Variants in MROH9 observed in about 807,000 individuals in gnomAD.
MROH9 encodes the protein maestro heat like repeat family member 9.
MROH9 carries 92 observed loss-of-function variants against 98.2 expected under a neutral mutation model. The observed-to-expected ratio is 0.94, with a 90% CI of 0.79 to 1.11. MROH9 has a LOEUF of 1.11. Among genes scored for constraint, MROH9 ranks in the 50% most tolerant of loss-of-function variants. The pLI, the probability that MROH9 is intolerant of heterozygous loss-of-function variation, is 0.00. For missense variants in MROH9, 1,057 were observed against 1,014.8 expected (o/e 1.04, Z -0.57); for synonymous variants, 397 against 368.9 (o/e 1.08, Z -0.87).
intron 20 of MROH9, among the ~76,000 whole-genome samples, chr1:171,042,999 C>A (rs1267228760): frequency 6.6e-6 from 1 of 151,986 alleles, no homozygotes; most frequent in Non-Finnish European, 1.5e-5. Flanking sequence ...GAGGTGATTT[C>A]ATTTGTCCAT....
chr1:170,947,395 T>C, intron 2 of MROH9, 132 bp from the exon 3 acceptor site: 1 of 667,476 alleles, frequency 1.5e-6, no homozygotes, highest in Non-Finnish European at 2.7e-6. Flanking sequence ...ATAGTTTTAG[T>C]GTGTGTGTGC....
In MROH9 at chr1:171,064,380, G is replaced by A. The variant is rs1189807250; in HGVS notation, c.*40G>A. The stretch of plus-strand genomic sequence containing the variant: ...GACATTCATCATTCATAAACAATGG[G>A]AAGTCCAACAATGTCTTGGAGCTGA... On this transcript the variant is annotated 3_prime_UTR_variant, in exon 22 of 22. Coordinates refer to ENST00000367759, the MANE Select transcript of MROH9 (RefSeq NM_001163629.2). The A allele has an allele frequency of 6.7e-7, 1 of 1,487,762 alleles. No individual in the cohort carries two copies. Among genetic ancestry groups the A allele is most frequent in the Non-Finnish European group, 8.9e-7 (1 of 1,121,872 alleles). 92.2% of individuals were successfully genotyped at this position (1,487,762 alleles called of 1,614,324 possible).
At position 171,044,972 on chromosome 1, in the gene MROH9, C is replaced by CTTTTTTTTTTTTTTTTTTT. The variant is rs754332732; in HGVS notation, c.2282-17131_2282-17113dup. 2.3e-3 allele frequency among the ~76,000 whole-genome samples: 104 copies of CTTTTTTTTTTTTTTTTTTT among 45,708 alleles called. 36 individuals carry two copies. The highest frequency in any genetic ancestry group is 2.9e-3 in the Non-Finnish European group (64 of 22,270). The allele number at this position is 45,708 out of a possible 152,430, so 30.0% of individuals were successfully genotyped here. A position where few individuals can be genotyped will look rare whatever the true frequency, so the allele number is the denominator to read the frequency against. Reference sequence around the variant, plus strand: ...CAATTCCATTTATTTCTGCTCTGATCTTTTTTTTTTTTTTTTTTTTTTTTT... The same window carrying CTTTTTTTTTTTTTTTTTTT: ...CAATTCCATTTATTTCTGCTCTGATCTTTTTTTTTTTTTTTTTTTTTTTTTTTTTTTTTTTTTTTTTTTT... On this transcript the variant is annotated intron_variant, in intron 20 of 21. Transcript: ENST00000367759.
chr1:170,951,386 T>C (rs1649547640), intron 3 of MROH9, among the ~76,000 whole-genome samples: 1 of 152,126 alleles, frequency 6.6e-6, no homozygotes, highest in South Asian at 2.1e-4. Context: ...CAGGCCTTAA[T>C]TTGTTTTTCA....
At chr1:170,943,652 GA>G (rs917372830) in intron 1 of MROH9, among the ~76,000 whole-genome samples, 16 of 146,198 alleles carry the variant, frequency 1.1e-4, no homozygotes, top group Admixed American at 1.4e-4. Context: ...CTATATAGGA[GA>G]AAAAAAAAAG....
chr1:170,935,855 G>T (rs28537765), intron 1 of MROH9, among the ~76,000 whole-genome samples: 1 of 151,286 alleles, frequency 6.6e-6, no homozygotes, highest in African/African-American at 2.4e-5. Flanking sequence ...AGCTGGGTGT[G>T]GTGGCGGGTG....
chr1:171,061,259 G>A (rs1391035247), intron 20 of MROH9, among the ~76,000 whole-genome samples: 4 of 152,142 alleles, frequency 2.6e-5, no homozygotes, highest in East Asian at 1.9e-4. Flanking sequence ...AAATGTTAGC[G>A]TACTGTTTGT....
At chr1:170,949,486 T>C (rs1649465264) in intron 3 of MROH9, among the ~76,000 whole-genome samples, 1 of 151,822 alleles carries the variant, frequency 6.6e-6, no homozygotes, top group Admixed American at 6.6e-5. Flanking sequence ...ATCAGGAGAG[T>C]GGTGTTGCTC....
intron 20 of MROH9, among the ~76,000 whole-genome samples, chr1:171,061,730 T>C (rs1477306865): frequency 2.6e-5 from 4 of 152,154 alleles, no homozygotes; most frequent in Non-Finnish European, 5.9e-5. Flanking sequence ...AAACTATTGC[T>C]ACATGAAAGA....
intron 1 of MROH9, among the ~76,000 whole-genome samples, chr1:170,939,419 TATAGGGATA>T (rs1354882376): frequency 7.9e-5 from 12 of 152,216 alleles, no homozygotes; most frequent in East Asian, 1.9e-4. Context: ...AAAAGGGGGC[TATAGGGATA>T]CAGTCATCCA....
At position 171,064,377 on chromosome 1, in the gene MROH9, T is replaced by C; in HGVS notation, c.*37T>C. The C allele has an allele frequency of 6.7e-7, 1 of 1,490,438 alleles. No homozygotes were observed. The highest frequency in any genetic ancestry group is 1.4e-5 in the African/African-American group (1 of 70,198). 92.3% of individuals were successfully genotyped at this position (1,490,438 alleles called of 1,614,324 possible). A position where few individuals can be genotyped will look rare whatever the true frequency, so the allele number is the denominator to read the frequency against. ...GATGACATTCATCATTCATAAACAATGGGAAGTCCAACAATGTCTTGGAGC... is the reference window on the plus strand; with the variant it reads ...GATGACATTCATCATTCATAAACAACGGGAAGTCCAACAATGTCTTGGAGC... On this transcript the variant is annotated 3_prime_UTR_variant, in exon 22 of 22. Coordinates refer to ENST00000367759, the MANE Select transcript of MROH9 (RefSeq NM_001163629.2).
chr1:170,981,859 T>C (rs1650944298), intron 8 of MROH9, among the ~76,000 whole-genome samples: 2 of 152,124 alleles, frequency 1.3e-5, no homozygotes, highest in Admixed American at 1.3e-4. Flanking sequence ...CTATATATAC[T>C]TATTAAAGAA....
chr1:171,063,992 G>A (rs1052598222), intron 21 of MROH9, 107 bp from the exon 22 acceptor site: 1 of 1,116,736 alleles, frequency 9.0e-7, no homozygotes, highest in South Asian at 1.8e-5. Context: ...GAGGAGAGAT[G>A]GAGAGAAGGG....
intron 1 of MROH9, among the ~76,000 whole-genome samples, chr1:170,936,792 C>G (rs1648902188): frequency 6.6e-6 from 1 of 151,920 alleles, no homozygotes; most frequent in Non-Finnish European, 1.5e-5. Context: ...TTTAGGTGCA[C>G]CGGCCCAGTT....
intron 20 of MROH9, among the ~76,000 whole-genome samples, chr1:171,034,263 AAAGAC>A (rs1383131081): frequency 2.0e-5 from 3 of 152,190 alleles, no homozygotes; most frequent in African/African-American, 4.8e-5. Flanking sequence ...TTATTTTCAA[AAAGAC>A]AAGAACTCAG....
At chr1:171,025,272 T>C in intron 19 of MROH9, 46 bp from the exon 20 acceptor site, 1 of 1,211,930 alleles carries the variant, frequency 8.3e-7, no homozygotes. Flanking sequence ...GCAAATGTTC[T>C]ATTTCAGCAA....
intron 15 of MROH9, among the ~76,000 whole-genome samples, chr1:171,012,057 C>T (rs17346390): frequency 0.046 from 6,953 of 151,742 alleles, 232 homozygotes; most frequent in Non-Finnish European, 0.068. Flanking sequence ...CATTTACTTC[C>T]AACTATAGTG....
intron 3 of MROH9, among the ~76,000 whole-genome samples, chr1:170,956,164 C>T (rs1432692301): frequency 6.6e-6 from 1 of 152,130 alleles, no homozygotes; most frequent in African/African-American, 2.4e-5. Flanking sequence ...TATTCTGTTC[C>T]ATTGGTCTAT....
intron 17 of MROH9, among the ~76,000 whole-genome samples, chr1:171,020,677 G>A (rs1010068099): frequency 1.3e-5 from 2 of 152,082 alleles, no homozygotes; most frequent in African/African-American, 4.8e-5. Context: ...AGCAAAAGCT[G>A]GAAGCATTCC....
Sources: gnomAD v4.1 joint callset for allele counts (sites outside exome capture counted in the v4.1 genomes callset) on GRCh38, gnomAD v4.1.1 for gene constraint, MANE v1.5 for transcripts, NCBI Gene and HGNC (gene_info 2026-07-23, HGNC 2026-07-21) for gene names.